TMEM178A: variants seen among roughly 807,000 people sequenced by gnomAD.
TMEM178A encodes the protein transmembrane protein 178.
A neutral mutation model predicts 29.1 loss-of-function variants in TMEM178A; 12 were observed. That is an observed-to-expected ratio of 0.41 (90% CI 0.26 to 0.67). TMEM178A has a LOEUF of 0.67. Among genes scored for constraint, TMEM178A ranks in the 30% least tolerant of loss-of-function variants. The pLI is 0.29. For synonymous variants in TMEM178A, 210 were observed against 187.2 expected, an observed-to-expected ratio of 1.12 and a Z score of -0.99; for missense variants, 366 against 419.1, an observed-to-expected ratio of 0.87 and a Z score of 1.11.
intron 1 of TMEM178A, among the ~76,000 whole-genome samples, chr2:39,690,707 T>C (rs1243745511): frequency 1.3e-5 from 2 of 151,952 alleles, no homozygotes; most frequent in East Asian, 3.8e-4. Context: ...TTAACACTAC[T>C]AAAAGAAAAA....
intron 1 of TMEM178A, among the ~76,000 whole-genome samples, chr2:39,666,594 C>A (rs1670172381): frequency 6.6e-6 from 1 of 152,152 alleles, no homozygotes. Context: ...TCGTCCACAT[C>A]CTGCGCGTCC....
intron 1 of TMEM178A, among the ~76,000 whole-genome samples, chr2:39,676,570 G>A (rs1193178013): frequency 6.6e-6 from 1 of 152,100 alleles, no homozygotes; most frequent in South Asian, 2.1e-4. Context: ...AAGCAATCCC[G>A]GGCAAGTGGA....
chr2:39,725,006 C>T, the TMEM178A span, among the ~76,000 whole-genome samples: 3 of 152,074 alleles, frequency 2.0e-5, no homozygotes, highest in Admixed American at 6.5e-5. Context: ...GGGGAGATGA[C>T]GCATGTGATT....
At chr2:39,704,218 A>C in intron 2 of TMEM178A, 24 bp downstream of exon 2, 1 of 1,600,038 alleles carries the variant, frequency 6.2e-7, no homozygotes, top group Non-Finnish European at 8.6e-7. Context: ...GGAGAGGTTC[A>C]GAGAGGAAAT....
the TMEM178A span, among the ~76,000 whole-genome samples, chr2:39,735,589 C>G: frequency 3.9e-5 from 6 of 152,220 alleles, no homozygotes; most frequent in Non-Finnish European, 8.8e-5. Context: ...GTAACGAATT[C>G]ACATTACTGG....
chr2:39,722,334 G>A (rs889304312), downstream of TMEM178A, among the ~76,000 whole-genome samples: 2 of 152,026 alleles, frequency 1.3e-5, no homozygotes, highest in South Asian at 2.1e-4. Context: ...GGGAAAAGGG[G>A]AAAAAGAAAA....
At chr2:39,733,912 C>T in the TMEM178A span, among the ~76,000 whole-genome samples, 4 of 152,088 alleles carry the variant, frequency 2.6e-5, no homozygotes, top group African/African-American at 9.7e-5. Flanking sequence ...GCATTTTATC[C>T]CCTTATTCAA....
intron 1 of TMEM178A, among the ~76,000 whole-genome samples, chr2:39,684,760 T>C (rs1185041449): frequency 2.6e-5 from 4 of 151,906 alleles, no homozygotes; most frequent in Admixed American, 6.6e-5. Context: ...TTCTCATCAC[T>C]CTCCCTCTCA....
the TMEM178A span, among the ~76,000 whole-genome samples, chr2:39,730,086 G>T: frequency 6.6e-6 from 1 of 152,082 alleles, no homozygotes; most frequent in Non-Finnish European, 1.5e-5. Flanking sequence ...AAACACTCCA[G>T]CCCACATAAT....
chr2:39,722,579 T>C (rs1392307632), downstream of TMEM178A, among the ~76,000 whole-genome samples: 1 of 152,174 alleles, frequency 6.6e-6, no homozygotes, highest in Admixed American at 6.5e-5. Context: ...TAGTGGTGGC[T>C]GGGAAGATTT....
the TMEM178A span, among the ~76,000 whole-genome samples, chr2:39,730,545 G>C: frequency 6.6e-6 from 1 of 152,158 alleles, no homozygotes; most frequent in African/African-American, 2.4e-5. Flanking sequence ...CATTCCCCTA[G>C]TGAAAGCTCC....
intron 1 of TMEM178A, among the ~76,000 whole-genome samples, chr2:39,679,223 A>T (rs553733841): frequency 2.3e-4 from 35 of 152,262 alleles, no homozygotes; most frequent in Admixed American, 2.0e-3. Flanking sequence ...GGTTGTTGAA[A>T]TTTGCCTTAG....
chr2:39,701,012 C>T (rs751670929), intron 1 of TMEM178A, among the ~76,000 whole-genome samples: 6 of 152,056 alleles, frequency 3.9e-5, no homozygotes, highest in African/African-American at 9.7e-5. Flanking sequence ...CATGTTTATA[C>T]ACTGTATGCT....
chr2:39,667,484 C>T (rs1477857526), intron 1 of TMEM178A, among the ~76,000 whole-genome samples: 1 of 151,512 alleles, frequency 6.6e-6, no homozygotes, highest in Non-Finnish European at 1.5e-5. Flanking sequence ...CTCTTGGACT[C>T]ATGATGCCAA....
chr2:39,720,904 C>A (rs749470598), downstream of TMEM178A, among the ~76,000 whole-genome samples: 1 of 152,188 alleles, frequency 6.6e-6, no homozygotes, highest in Non-Finnish European at 1.5e-5. Flanking sequence ...CCCAAACCAA[C>A]CTAGACGTAA....
chr2:39,693,239 T>G (rs901714607), intron 1 of TMEM178A, among the ~76,000 whole-genome samples: 1 of 152,204 alleles, frequency 6.6e-6, no homozygotes, highest in Non-Finnish European at 1.5e-5. Flanking sequence ...CCAAGAGATT[T>G]TAAGTTCAGG....
chr2:39,691,043 A>C (rs544735729), intron 1 of TMEM178A, among the ~76,000 whole-genome samples: 1 of 152,324 alleles, frequency 6.6e-6, no homozygotes, highest in South Asian at 2.1e-4. Context: ...AGGGAGAAAC[A>C]AACAAACAAA....
the TMEM178A span, among the ~76,000 whole-genome samples, chr2:39,725,785 T>C: frequency 3.3e-5 from 5 of 152,216 alleles, no homozygotes; most frequent in Non-Finnish European, 5.9e-5. Flanking sequence ...AGGCCTAACA[T>C]ACGATTGTAG....
At chr2:39,706,426 C>T in intron 2 of TMEM178A, among the ~76,000 whole-genome samples, 1 of 152,208 alleles carries the variant, frequency 6.6e-6, no homozygotes, top group East Asian at 1.9e-4. Flanking sequence ...GTGCACTTTA[C>T]ACCACTGTTC....
Sources: allele counts gnomAD v4.1 joint callset (sites outside exome capture counted in the v4.1 genomes callset), GRCh38; gene constraint gnomAD v4.1.1; transcripts MANE v1.5; gene names NCBI Gene and HGNC (gene_info 2026-07-23, HGNC 2026-07-21).